The following UBXN11 variants were observed in gnomAD, a reference collection of about 807,000 sequenced individuals.
The protein encoded by UBXN11 is UBX domain-containing protein 11.
Under a neutral mutation model 62.8 loss-of-function variants are expected in UBXN11, and 47 were observed. The ratio of observed to expected loss-of-function variants is 0.75; its 90% CI spans 0.59 to 0.95. The LOEUF (loss-of-function observed/expected upper bound fraction) is 0.95. Among genes scored for constraint, UBXN11 ranks in the 40% least tolerant of loss-of-function variants. UBXN11 has a pLI of 0.00. For missense variants in UBXN11, 638 were observed against 661.7 expected (o/e 0.96, Z 0.39); for synonymous variants, 294 against 267.0 (o/e 1.10, Z -0.99).
chr1:26,316,922 C>T (rs2073800685), intron 1 of UBXN11, among the ~76,000 whole-genome samples: 1 of 151,836 alleles, frequency 6.6e-6, no homozygotes, highest in Non-Finnish European at 1.5e-5. Flanking sequence ...ACTTTCTCTA[C>T]CAAAATCACA....
intron 10 of UBXN11, 159 bp from the exon 11 acceptor site, chr1:26,284,641 T>C: frequency 1.4e-6 from 2 of 1,390,800 alleles, no homozygotes; most frequent in Non-Finnish European, 1.9e-6. Flanking sequence ...CCACGGTTCG[T>C]ACTGCTGTCA....
intron 8 of UBXN11, among the ~76,000 whole-genome samples, chr1:26,292,215 T>C (rs921718987): frequency 1.4e-4 from 21 of 152,294 alleles, no homozygotes; most frequent in African/African-American, 4.8e-4. Flanking sequence ...TCCTGGCCCC[T>C]GTCAAGGCTA....
chr1:26,294,996 A>G (rs1201203943), intron 7 of UBXN11, among the ~76,000 whole-genome samples: 3 of 151,910 alleles, frequency 2.0e-5, no homozygotes, highest in African/African-American at 2.4e-5. Context: ...ATCCAACACC[A>G]ACTCATGGGG....
chr1:26,284,254 A>C lies in UBXN11; in HGVS notation c.974-9T>G, dbSNP rs1321813651. The C allele has an allele frequency of 1.2e-6, 2 of 1,609,280 alleles. No individual in the cohort carries two copies. Among genetic ancestry groups the C allele is most frequent in the Admixed American group, 3.4e-5 (2 of 59,190 alleles). ...AGCAGTCATCCTGGAGCCTACAGGC[A>C]GAGTTGGGAACCGGGGCCCAGGAAG... On this transcript the variant is annotated splice_polypyrimidine_tract_variant and intron_variant, in intron 11 of 14. Transcript: ENST00000374222.
chr1:26,285,194 TC>T, intron 10 of UBXN11: 1 of 1,248,158 alleles, frequency 8.0e-7, no homozygotes, highest in Non-Finnish European at 1.0e-6. Flanking sequence ...TGTCAAGGTG[TC>T]CTGAAAGCTG....
chr1:26,285,264 G>T, intron 10 of UBXN11, 200 bp downstream of exon 10: 1 of 1,348,382 alleles, frequency 7.4e-7, no homozygotes, highest in Non-Finnish European at 9.6e-7. Flanking sequence ...GCCAGCAGAG[G>T]GCGCTGCCTG....
At chr1:26,294,016 G>A (rs2073336222) in intron 8 of UBXN11, among the ~76,000 whole-genome samples, 189 bp downstream of exon 8, 1 of 152,178 alleles carries the variant, frequency 6.6e-6, no homozygotes, top group Admixed American at 6.5e-5. Context: ...TGGGCCAGCA[G>A]GTTAAGTGGT....
chr1:26,294,301 C>T lies in UBXN11; in HGVS notation c.463G>A (p.Val155Met). Reference protein sequence around the residue: ...RFLSDYGLQWVGEPMDQEDSE... With the variant: ...RFLSDYGLQWMGEPMDQEDSE... The stretch of plus-strand genomic sequence containing the variant: ...TCCTCCTGGTCCATGGGCTCGCCCA[C>T]CCACTGCAGGCCATAGTCACTGAGG... Residue 155 changes from valine (V) to methionine (M), a missense_variant, in exon 8 of 15, where the codon GTG becomes ATG. Coordinates refer to ENST00000374222, the MANE Select transcript of UBXN11 (RefSeq NM_001389556.1). 2 of 1,614,166 alleles carry T rather than the reference C, an allele frequency of 1.2e-6. No homozygotes were observed. Among genetic ancestry groups the T allele is most frequent in the Non-Finnish European group, 1.7e-6 (2 of 1,180,000 alleles).
rs144165688 is a variant in UBXN11 at position 26,313,929 on chromosome 1, C to T, written c.-149+4118G>A. On this transcript the variant is annotated intron_variant, in intron 1 of 14. Transcript: ENST00000374217. ...CCGAGTAGCTGGGACTACAGGTGCC[C>T]GCCACCATGCCTGGCTAAGTTTTTG... Among the ~76,000 whole-genome samples the T allele has an allele frequency of 6.3e-3, 959 of 151,966 alleles. 10 individuals carry two copies. The highest frequency in any genetic ancestry group is 0.02 in the African/African-American group (845 of 41,454).
chr1:26,309,284 A>C (rs1417891873), upstream of UBXN11, among the ~76,000 whole-genome samples: 1 of 123,774 alleles, frequency 8.1e-6, no homozygotes, highest in Admixed American at 9.6e-5. Context: ...CTCTGTCGCC[A>C]GGCTGGAGTG....
intron 4 of UBXN11, among the ~76,000 whole-genome samples, chr1:26,298,934 T>C (rs1348835962): frequency 6.6e-6 from 1 of 152,020 alleles, no homozygotes; most frequent in Non-Finnish European, 1.5e-5. Context: ...GAGGCTGACA[T>C]GTCAAGGCAG....
In UBXN11 at chr1:26,313,510, C is replaced by T. The variant is rs1358009965; in HGVS notation, c.-149+4537G>A. On this transcript the variant is annotated intron_variant, in intron 1 of 14. Transcript: ENST00000374217. ...TACCATTGTTTTTTATTAGTCTTCC[C>T]CCACTCAAATATCAGCTCCATAATA... Among the ~76,000 whole-genome samples, 3 of 152,094 alleles carry T rather than the reference C, an allele frequency of 2.0e-5. No homozygotes were observed. The East Asian group carries it at 5.8e-4, about 29-fold the overall frequency.
chr1:26,289,325 A>G (rs972665132), intron 8 of UBXN11, among the ~76,000 whole-genome samples: 7 of 152,180 alleles, frequency 4.6e-5, no homozygotes, highest in Admixed American at 1.3e-4. Flanking sequence ...GCTGGGCTCA[A>G]GCTGTGCCCA....
intron 4 of UBXN11, among the ~76,000 whole-genome samples, chr1:26,298,747 A>C (rs1309761742): frequency 2.0e-5 from 3 of 148,012 alleles, no homozygotes; most frequent in African/African-American, 7.5e-5. Context: ...ACTGCACTCC[A>C]GCCTGGGTAA....
chr1:26,296,772 G>C (rs1279064022), intron 7 of UBXN11, 147 bp downstream of exon 7: 24 of 828,684 alleles, frequency 2.9e-5, no homozygotes, highest in Non-Finnish European at 3.5e-5. Flanking sequence ...GCCAGTCCTG[G>C]GTAGGGAAAT....
rs1557677403 is a variant in UBXN11, at chr1:26,282,352, CGGG to C, written c.1507_1509del (p.Pro503del). 48 of 271,624 alleles carry C rather than the reference CGGG, an allele frequency of 1.8e-4. 1 individual carries two copies. In the African/African-American group the frequency reaches 2.3e-3, roughly 13 times the overall value. 16.8% of individuals were successfully genotyped at this position (271,624 alleles called of 1,614,324 possible). On this transcript the variant is annotated inframe_deletion, in exon 15 of 15. Coordinates refer to ENST00000374222, the MANE Select transcript of UBXN11 (RefSeq NM_001389556.1). ...CAGGGACTGGGGCCGGGACCGGGAC[CGGG>C]ACTGGGGCCGGGACCGGGACCGGGA...
chr1:26,290,755 G>A (rs960335015), intron 8 of UBXN11, among the ~76,000 whole-genome samples: 13 of 151,634 alleles, frequency 8.6e-5, no homozygotes, highest in Non-Finnish European at 1.8e-4. Flanking sequence ...TTGGGTAGGG[G>A]AAGTGGGGAT....
At chr1:26,304,293 C>T (rs868148774) in intron 1 of UBXN11, among the ~76,000 whole-genome samples, 63 of 152,186 alleles carry the variant, frequency 4.1e-4, no homozygotes, top group Admixed American at 5.9e-4. Context: ...CAAATCTGTC[C>T]CCACCCTGCC....
At chr1:26,309,136 T>C (rs1339576908), upstream of UBXN11, among the ~76,000 whole-genome samples, 1 of 151,960 alleles carries the variant, frequency 6.6e-6, no homozygotes, top group Non-Finnish European at 1.5e-5. Flanking sequence ...GGTTTCACGA[T>C]GTTGGCCAGT....
Sources: allele counts gnomAD v4.1 joint callset (sites outside exome capture counted in the v4.1 genomes callset), GRCh38; gene constraint gnomAD v4.1.1; transcripts MANE v1.5; gene names NCBI Gene and HGNC (gene_info 2026-07-23, HGNC 2026-07-21).